PADI1: variants seen among roughly 807,000 people sequenced by gnomAD.
The protein encoded by PADI1 is peptidyl arginine deiminase 1.
A neutral mutation model predicts 74.8 loss-of-function variants in PADI1; 65 were observed. The ratio of observed to expected loss-of-function variants is 0.87; its 90% CI spans 0.71 to 1.07. PADI1 has a LOEUF of 1.07. Ranked by LOEUF, PADI1 falls within the 50% of genes least tolerant of loss-of-function variation. PADI1 has a pLI of 0.00. For synonymous variants in PADI1, 371 were observed against 336.2 expected, an observed-to-expected ratio of 1.10 and a Z score of -1.13; for missense variants, 943 against 854.0, an observed-to-expected ratio of 1.10 and a Z score of -1.30.
At chr1:17,229,492 C>T (rs180923627) in intron 8 of PADI1, among the ~76,000 whole-genome samples, 108 of 152,376 alleles carry the variant, frequency 7.1e-4, no homozygotes, top group African/African-American at 2.4e-3. Flanking sequence ...TCTGCCGTCT[C>T]TCAGAATCCT....
intron 1 of PADI1, among the ~76,000 whole-genome samples, chr1:17,222,083 G>A (rs1404343403): frequency 6.6e-6 from 1 of 152,230 alleles, no homozygotes; most frequent in Non-Finnish European, 1.5e-5. Context: ...GGACTTGGGT[G>A]TGGGCTGGGG....
chr1:17,224,568 G>A (rs558994222), intron 4 of PADI1, 140 bp downstream of exon 4: 9 of 696,360 alleles, frequency 1.3e-5, no homozygotes, highest in Admixed American at 9.0e-5. Flanking sequence ...AACCCATCTG[G>A]GACAGCAAAA....
At chr1:17,220,227 T>TG (rs1297961700) in intron 1 of PADI1, among the ~76,000 whole-genome samples, 2 of 151,910 alleles carry the variant, frequency 1.3e-5, no homozygotes, top group Non-Finnish European at 2.9e-5. Context: ...ATCTTTGCTT[T>TG]GGGGGGTTGT....
chr1:17,233,120 A>C (rs1483642880), intron 11 of PADI1, 150 bp downstream of exon 11: 9 of 738,630 alleles, frequency 1.2e-5, no homozygotes, highest in Non-Finnish European at 1.9e-5. Context: ...TCGGCAACCT[A>C]GGATCTCAGA....
At chr1:17,234,434 T>C (rs966066351) in intron 11 of PADI1, among the ~76,000 whole-genome samples, 1 of 152,204 alleles carries the variant, frequency 6.6e-6, no homozygotes, top group Non-Finnish European at 1.5e-5. Flanking sequence ...TATTTTTCAT[T>C]TGGCCCCAGT....
intron 8 of PADI1, among the ~76,000 whole-genome samples, chr1:17,229,605 T>G (rs1237411469): frequency 1.3e-5 from 2 of 152,188 alleles, no homozygotes; most frequent in African/African-American, 4.8e-5. Flanking sequence ...GAGCTGGTCA[T>G]AAGTTAAAAG....
intron 15 of PADI1, among the ~76,000 whole-genome samples, chr1:17,243,496 A>G (rs1163501008): frequency 6.6e-6 from 1 of 152,204 alleles, no homozygotes; most frequent in Non-Finnish European, 1.5e-5. Flanking sequence ...GCATTTAGTG[A>G]TGATATATCT....
chr1:17,205,424 A>T, intron 1 of PADI1, 115 bp downstream of exon 1: 1 of 805,106 alleles, frequency 1.2e-6, no homozygotes, highest in Non-Finnish European at 2.1e-6. Context: ...GGCAGGAGAT[A>T]GCAGAGAAGG....
chr1:17,240,787 T>C (rs1044398525), intron 15 of PADI1, 27 bp downstream of exon 15: 3 of 1,608,820 alleles, frequency 1.9e-6, no homozygotes, highest in Non-Finnish European at 2.5e-6. Context: ...AGGGTCCTGC[T>C]GGGGGGTCTG....
chr1:17,237,377 A>G lies in PADI1; in HGVS notation c.1377A>G (p.Ala459=). ...RNFLKAQQVQ[A]PVELYSDWLS... Reference sequence around the variant, plus strand: ...TCCTGAAGGCACAGCAGGTGCAGGCACCCGTGGAGCTCTACTCGGACTGGC... The same window carrying G: ...TCCTGAAGGCACAGCAGGTGCAGGCGCCCGTGGAGCTCTACTCGGACTGGC... Residue 459 remains alanine (A), a synonymous_variant, in exon 12 of 16, where the codon GCA becomes GCG. Transcript: ENST00000375471. 6.2e-7 allele frequency: 1 copy of G among 1,612,772 alleles called. No individual in the cohort carries two copies. Among genetic ancestry groups the G allele is most frequent in the Non-Finnish European group, 8.5e-7 (1 of 1,179,376 alleles).
chr1:17,231,674 A>G (rs910864634), intron 10 of PADI1, among the ~76,000 whole-genome samples: 2 of 151,352 alleles, frequency 1.3e-5, no homozygotes, highest in East Asian at 3.9e-4. Context: ...CATCTTTATC[A>G]TTTTCATTTT....
intron 1 of PADI1, among the ~76,000 whole-genome samples, chr1:17,208,237 G>A (rs1454282699): frequency 6.6e-6 from 1 of 152,198 alleles, no homozygotes; most frequent in Non-Finnish European, 1.5e-5. Context: ...ATCACAGGAA[G>A]TGATTCATTC....
intron 1 of PADI1, among the ~76,000 whole-genome samples, chr1:17,216,816 G>C (rs2071989879): frequency 6.6e-6 from 1 of 152,122 alleles, no homozygotes; most frequent in African/African-American, 2.4e-5. Flanking sequence ...GTTGCAGTGA[G>C]CTGAGATCAT....
At position 17,245,309 on chromosome 1, in the gene PADI1, A is replaced by G. The variant is rs931145836; in HGVS notation, c.*1066A>G. ...TCTCAGCAACCCAGGGACCCTGCAC[A>G]TAGCTTAGGTTTCATCCCTGAATAA... On this transcript the variant is annotated 3_prime_UTR_variant, in exon 16 of 16. Coordinates refer to ENST00000375471, the MANE Select transcript of PADI1 (RefSeq NM_013358.3). The surrounding 1 kb of genome is among the most constrained non-coding windows in gnomAD (Gnocchi z 4.1). The G allele has an allele frequency of 1.3e-5, 2 of 152,790 alleles. No individual in the cohort carries two copies. Among genetic ancestry groups the G allele is most frequent in the African/African-American group, 4.8e-5 (2 of 41,576 alleles). 9.5% of individuals were successfully genotyped at this position (152,790 alleles called of 1,614,324 possible).
chr1:17,229,655 C>G (rs2072429744), intron 8 of PADI1, among the ~76,000 whole-genome samples: 2 of 152,326 alleles, frequency 1.3e-5, no homozygotes, highest in Admixed American at 1.3e-4. Context: ...CTCTGCTTCC[C>G]CGGGTCTAGG....
chr1:17,231,414 G>GTC (rs2072487914), intron 10 of PADI1, among the ~76,000 whole-genome samples: 1 of 152,220 alleles, frequency 6.6e-6, no homozygotes, highest in Non-Finnish European at 1.5e-5. Context: ...TGAGTCCACA[G>GTC]TCTCTGCCTG....
chr1:17,228,885 G>C, intron 7 of PADI1, 63 bp from the exon 8 acceptor site: 1 of 1,570,724 alleles, frequency 6.4e-7, no homozygotes, highest in South Asian at 1.1e-5. Context: ...GCTGGGGGCT[G>C]GGGGGGCTTG....
At chr1:17,213,190 C>CATTAGGGAAAAGGAGA in intron 1 of PADI1, among the ~76,000 whole-genome samples, 1 of 9,618 alleles carries the variant, frequency 1.0e-4, no homozygotes, top group Non-Finnish European at 2.6e-4. Context: ...TAATCTCCTA[C>CATTAGGGAAAAGGAGA]CAGGCTGGTA....
At chr1:17,211,538 C>G (rs559623164) in intron 1 of PADI1, among the ~76,000 whole-genome samples, 21 of 152,314 alleles carry the variant, frequency 1.4e-4, no homozygotes, top group African/African-American at 4.8e-4. Flanking sequence ...CTACTATAAT[C>G]CCCATTTGCA....
Sources: gnomAD v4.1 joint callset for allele counts (sites outside exome capture counted in the v4.1 genomes callset) on GRCh38, gnomAD v4.1.1 for gene constraint, Gnocchi (gnomAD v3.1) non-coding constraint, MANE v1.5 for transcripts, NCBI Gene and HGNC (gene_info 2026-07-23, HGNC 2026-07-21) for gene names.